Variants in BMP5 observed in about 807,000 individuals in gnomAD.
The protein encoded by BMP5 is bone morphogenetic protein 5.
BMP5 carries 23 observed loss-of-function variants against 46.6 expected under a neutral mutation model. The observed-to-expected ratio is 0.49, with a 90% CI of 0.35 to 0.70. BMP5 has a LOEUF of 0.70. Ranked by LOEUF, BMP5 falls within the 30% of genes least tolerant of loss-of-function variation. The probability of loss-of-function intolerance (pLI) is 0.00; values close to 1 mark genes in which losing one functional copy is unlikely to be tolerated. For missense variants in BMP5, 545 were observed against 565.6 expected (o/e 0.96, Z 0.37); for synonymous variants, 204 against 191.9 (o/e 1.06, Z -0.52).
chr6:55,773,239 G>A (rs1474347153), intron 4 of BMP5, among the ~76,000 whole-genome samples: 1 of 151,892 alleles, frequency 6.6e-6, no homozygotes, highest in African/African-American at 2.4e-5. Context: ...GTTCCAGGAT[G>A]AGTTCCCCCT....
chr6:55,796,059 A>T (rs1775704061), intron 2 of BMP5, among the ~76,000 whole-genome samples: 1 of 152,152 alleles, frequency 6.6e-6, no homozygotes, highest in African/African-American at 2.4e-5. Context: ...ATATTTGGTA[A>T]ATATCTCTGA....
intron 4 of BMP5, among the ~76,000 whole-genome samples, chr6:55,766,487 C>T (rs866689107): frequency 2.9e-4 from 44 of 152,076 alleles, no homozygotes; most frequent in African/African-American, 9.2e-4. Flanking sequence ...TCTTCAAACC[C>T]CTGCTGGCCT....
At chr6:55,802,510 G>A (rs2127531975) in intron 2 of BMP5, among the ~76,000 whole-genome samples, 1 of 152,064 alleles carries the variant, frequency 6.6e-6, no homozygotes, top group East Asian at 1.9e-4. Flanking sequence ...TAATGGCCCA[G>A]ACACTTCAAC....
Position 55,755,549 on chromosome 6 carries a change from G to A in BMP5, c.1349C>T (p.Ser450Leu). ...TATTTAATATTAGTGGCAGCCACAT[G>A]AGCGTACTACCATATTTCTATATTT... ...LKKYRNMVVR[S>L]CGCH Residue 450 changes from serine (S) to leucine (L), a missense_variant, in exon 7 of 7, where the codon TCA (serine) becomes TTA (leucine). Ser to Leu is a moderately radical substitution (Grantham distance 145). Coordinates refer to ENST00000370830, the MANE Select transcript of BMP5 (RefSeq NM_021073.4). 1 of 1,610,188 alleles carries A rather than the reference G, an allele frequency of 6.2e-7. No individual in the cohort carries two copies. The highest frequency in any genetic ancestry group is 8.5e-7 in the Non-Finnish European group (1 of 1,177,246).
intron 2 of BMP5, among the ~76,000 whole-genome samples, chr6:55,804,886 A>G (rs1050820899): frequency 2.0e-5 from 3 of 152,190 alleles, no homozygotes; most frequent in African/African-American, 7.2e-5. Flanking sequence ...TTAAGTTTGT[A>G]TGTGGAAGAT....
intron 2 of BMP5, among the ~76,000 whole-genome samples, chr6:55,816,944 GAACA>G (rs1776285975): frequency 6.6e-6 from 1 of 152,062 alleles, no homozygotes; most frequent in African/African-American, 2.4e-5. Context: ...CGAAGGACAT[GAACA>G]GACACTTCTC....
rs199818485 is a variant in BMP5 at position 55,818,923 on chromosome 6, GAGATAGAT to G, written c.683+724_683+731del. On this transcript the variant is annotated intron_variant, in intron 2 of 6. Transcript: ENST00000370830. Reference sequence around the variant, plus strand: ...ATTTCAAATAGATTTAGATACATGAGAGATAGATAGATAGATAGATAGACAGACAGACA... The same window carrying G: ...ATTTCAAATAGATTTAGATACATGAGAGATAGATAGATAGACAGACAGACA... Among the ~76,000 whole-genome samples the G allele has an allele frequency of 6.1e-3, 928 of 151,852 alleles. 9 individuals carry two copies. The highest frequency in any genetic ancestry group is 0.021 in the African/African-American group (869 of 41,288).
intron 3 of BMP5, among the ~76,000 whole-genome samples, chr6:55,783,902 C>A (rs1320311550): frequency 6.6e-6 from 1 of 151,856 alleles, no homozygotes; most frequent in African/African-American, 2.4e-5. Context: ...TTAAAAGAAA[C>A]CTTAAAAATT....
intron 2 of BMP5, among the ~76,000 whole-genome samples, chr6:55,800,768 C>T (rs1287891758): frequency 6.6e-6 from 1 of 152,168 alleles, no homozygotes; most frequent in Admixed American, 6.5e-5. Flanking sequence ...CTTAGCCAAA[C>T]TATTTTTTCA....
At chr6:55,770,702 A>T (rs554244383) in intron 4 of BMP5, among the ~76,000 whole-genome samples, 1 of 152,074 alleles carries the variant, frequency 6.6e-6, no homozygotes, top group South Asian at 2.1e-4. Context: ...AATCATTACT[A>T]GCTTTTGATT....
At chr6:55,757,369 T>C (rs542869726) in intron 6 of BMP5, among the ~76,000 whole-genome samples, 3 of 151,988 alleles carry the variant, frequency 2.0e-5, no homozygotes, top group African/African-American at 7.2e-5. Context: ...CTGATAGGAG[T>C]TATTCTATGA....
At chr6:55,869,373 G>A (rs1777726639) in intron 1 of BMP5, among the ~76,000 whole-genome samples, 1 of 151,850 alleles carries the variant, frequency 6.6e-6, no homozygotes, top group Non-Finnish European at 1.5e-5. Context: ...CTTTCTTTCA[G>A]GCTCTTTTTC....
At chr6:55,769,584 C>T (rs1774998877) in intron 4 of BMP5, among the ~76,000 whole-genome samples, 1 of 151,792 alleles carries the variant, frequency 6.6e-6, no homozygotes, top group South Asian at 2.1e-4. Context: ...TCTTCCAAAC[C>T]CTTGTTAATG....
At chr6:55,768,634 A>T (rs1774973953) in intron 4 of BMP5, among the ~76,000 whole-genome samples, 1 of 151,922 alleles carries the variant, frequency 6.6e-6, no homozygotes, top group Non-Finnish European at 1.5e-5. Context: ...TGCCCTACGA[A>T]ATCACCATGG....
intron 2 of BMP5, among the ~76,000 whole-genome samples, chr6:55,797,716 G>A (rs890136994): frequency 9.4e-5 from 14 of 149,066 alleles, no homozygotes; most frequent in East Asian, 8.0e-4. Flanking sequence ...TCCAGGGTTC[G>A]TGCCATTCTC....
rs145204643 is a variant in BMP5 at position 55,772,879 on chromosome 6, A to G, written c.1027+1170T>C. The stretch of plus-strand genomic sequence containing the variant: ...GTGCCTACCCTTTAGGAAAAGTCCA[A>G]TGAATTCCACCTAGTAGTTTTATGG... On this transcript the variant is annotated intron_variant, in intron 4 of 6. Transcript: ENST00000370830. 3.3e-4 allele frequency: 326 copies of G among 985,148 alleles called. 1 individual carries two copies. The African/African-American group carries it at 4.6e-3, about 14-fold the overall frequency. The allele number at this position is 985,148 out of a possible 1,614,324, so 61.0% of individuals were successfully genotyped here. A position where few individuals can be genotyped will look rare whatever the true frequency, so the allele number is the denominator to read the frequency against.
intron 1 of BMP5, among the ~76,000 whole-genome samples, chr6:55,828,683 TG>T (rs1359280340): frequency 4.0e-5 from 6 of 151,730 alleles, no homozygotes; most frequent in African/African-American, 7.2e-5. Context: ...TTATACTCAA[TG>T]AAAAAAACAC....
At chr6:55,809,196 G>T (rs1237949468) in intron 2 of BMP5, among the ~76,000 whole-genome samples, 2 of 152,020 alleles carry the variant, frequency 1.3e-5, no homozygotes, top group African/African-American at 4.8e-5. Flanking sequence ...AAGGATAAAA[G>T]AATACACAAA....
At chr6:55,819,345 C>G (rs76793626) in intron 2 of BMP5, among the ~76,000 whole-genome samples, 4,009 of 152,150 alleles carry the variant, frequency 0.026, 163 homozygotes, top group South Asian at 0.22. Context: ...GTGGGCAGAA[C>G]AAAGTGGAAG....
Sources: allele counts gnomAD v4.1 joint callset (sites outside exome capture counted in the v4.1 genomes callset), GRCh38; gene constraint gnomAD v4.1.1; transcripts MANE v1.5; gene names NCBI Gene and HGNC (gene_info 2026-07-23, HGNC 2026-07-21).